CELF2: variants seen among roughly 807,000 people sequenced by gnomAD.
The protein encoded by CELF2 is CUGBP Elav-like family member 2.
In CELF2, 8 loss-of-function variants were observed where a neutral mutation model predicts 62.6. The observed-to-expected ratio is 0.13, with a 90% CI of 0.07 to 0.23. The LOEUF (loss-of-function observed/expected upper bound fraction) is 0.23. CELF2 is among the 10% of genes least tolerant of loss of function. The pLI is 1.00. For synonymous variants in CELF2, 258 were observed against 250.0 expected (o/e 1.03, Z -0.30); for missense variants, 333 against 671.0 (o/e 0.50, Z 5.56).
At chr10:10,717,055 CA>C in the CELF2 span, among the ~76,000 whole-genome samples, 3 of 152,146 alleles carry the variant, frequency 2.0e-5, no homozygotes. Flanking sequence ...CAATCTGTAC[CA>C]AAGGTAGTAG....
chr10:10,541,618 G>A, the CELF2 span, among the ~76,000 whole-genome samples: 1 of 152,208 alleles, frequency 6.6e-6, no homozygotes, highest in Non-Finnish European at 1.5e-5. Context: ...TTCTAATGTT[G>A]CCATGGTGTC....
the CELF2 span, among the ~76,000 whole-genome samples, chr10:10,601,110 G>T: frequency 6.6e-6 from 1 of 152,168 alleles, no homozygotes; most frequent in Admixed American, 6.5e-5. Context: ...AGATCTGTCG[G>T]CTCCAGAAAG....
At chr10:10,872,395 C>T (rs1193344954) in intron 1 of CELF2, among the ~76,000 whole-genome samples, 1 of 152,156 alleles carries the variant, frequency 6.6e-6, no homozygotes, top group African/African-American at 2.4e-5. Flanking sequence ...TCAGTCACTG[C>T]TGAAGTTCAA....
chr10:10,756,162 C>T, the CELF2 span, among the ~76,000 whole-genome samples: 1 of 152,108 alleles, frequency 6.6e-6, no homozygotes, highest in Admixed American at 6.6e-5. Context: ...ACATGGTGGC[C>T]CGCCAAAAAT....
At chr10:10,963,110 G>A (rs1425757891) in intron 2 of CELF2, among the ~76,000 whole-genome samples, 4 of 151,832 alleles carry the variant, frequency 2.6e-5, no homozygotes, top group Admixed American at 6.6e-5. Flanking sequence ...TCATGATCTC[G>A]GCTCACTGCA....
chr10:11,230,477 T>C (rs1377282144), intron 3 of CELF2, among the ~76,000 whole-genome samples: 1 of 152,164 alleles, frequency 6.6e-6, no homozygotes, highest in Non-Finnish European at 1.5e-5. Context: ...GCTGGGTTGC[T>C]GTGTTCCCTC....
rs2060606200 is a variant in CELF2 at position 11,207,082 on chromosome 10, A to G, written c.272-10343A>G. Among the ~76,000 whole-genome samples the G allele has an allele frequency of 6.6e-6, 1 of 152,232 alleles. No homozygotes were observed. Among genetic ancestry groups the G allele is most frequent in the East Asian group, 1.9e-4 (1 of 5,196 alleles). On this transcript the variant is annotated intron_variant, in intron 2 of 12. Coordinates refer to ENST00000633077, the MANE Select transcript of CELF2 (RefSeq NM_001326342.2). The surrounding 1 kb of genome is among the most constrained non-coding windows in gnomAD (Gnocchi z 4.1). ...CAAAGAACCAGAGAAGGGGAAAAGC[A>G]CATTCCAGCAATTTTGCCCTTGTTA...
At chr10:10,736,586 T>A in the CELF2 span, among the ~76,000 whole-genome samples, 1 of 152,084 alleles carries the variant, frequency 6.6e-6, no homozygotes, top group Non-Finnish European at 1.5e-5. Flanking sequence ...TGTTTGTTTG[T>A]TCGTTGACTT....
rs1362758167 is a variant in CELF2 at position 11,008,757 on chromosome 10, G to GT, written c.53+3321dup. On this transcript the variant is annotated intron_variant, in intron 1 of 12. Transcript: ENST00000416382. The surrounding 1 kb of genome is among the most constrained non-coding windows in gnomAD (Gnocchi z 4.5). ...ATTCATAGACGAAAAGCATACCTTGGTTTTGTCATCATGGTAGTGAGCATA... is the reference window on the plus strand; with the variant it reads ...ATTCATAGACGAAAAGCATACCTTGGTTTTTGTCATCATGGTAGTGAGCATA... Among the ~76,000 whole-genome samples the GT allele has an allele frequency of 6.6e-6, 1 of 152,116 alleles. No homozygotes were observed. The highest frequency in any genetic ancestry group is 2.4e-5 in the African/African-American group (1 of 41,414).
chr10:10,536,183 C>T, the CELF2 span, among the ~76,000 whole-genome samples: 4 of 151,958 alleles, frequency 2.6e-5, no homozygotes, highest in African/African-American at 7.3e-5. Flanking sequence ...CCATGTCTGG[C>T]TAATTTTTGT....
chr10:10,525,229 T>A, the CELF2 span, among the ~76,000 whole-genome samples: 28 of 152,294 alleles, frequency 1.8e-4, no homozygotes, highest in Non-Finnish European at 2.5e-4. Context: ...AGCTCCACAG[T>A]TCATTCTTCC....
At chr10:10,697,558 G>A in the CELF2 span, among the ~76,000 whole-genome samples, 1 of 152,214 alleles carries the variant, frequency 6.6e-6, no homozygotes, top group Non-Finnish European at 1.5e-5. Context: ...AGTTCTAGAG[G>A]CTGGGAAGTC....
At chr10:10,892,891 G>A (rs148620825) in intron 1 of CELF2, among the ~76,000 whole-genome samples, 1 of 152,352 alleles carries the variant, frequency 6.6e-6, no homozygotes, top group Non-Finnish European at 1.5e-5. Flanking sequence ...TGTCAAGGAG[G>A]ATGGAGCCTG....
At position 10,865,043 on chromosome 10, in the gene CELF2, A is replaced by T. The variant is rs187577848; in HGVS notation, c.54-54921A>T. Among the ~76,000 whole-genome samples, 7 of 152,354 alleles carry T rather than the reference A, an allele frequency of 4.6e-5. No individual in the cohort carries two copies. In the East Asian group the frequency reaches 1.4e-3, roughly 29 times the overall value. ...TTGCTGTATCACCATATATTCATTT[A>T]AAAATCTATCTTAATAAGTGCCCTT... On this transcript the variant is annotated intron_variant, in intron 1 of 13. Coordinates refer to the CELF2 transcript ENST00000636488.
chr10:10,882,686 G>T (rs1564763818), intron 1 of CELF2, among the ~76,000 whole-genome samples: 2 of 152,118 alleles, frequency 1.3e-5, no homozygotes, highest in African/African-American at 4.8e-5. Flanking sequence ...ATGACAGTTT[G>T]CCTCATGTGA....
At chr10:11,086,521 C>A (rs2046773362) in intron 1 of CELF2, among the ~76,000 whole-genome samples, 2 of 134,934 alleles carry the variant, frequency 1.5e-5, no homozygotes, top group Admixed American at 8.7e-5. Context: ...TATTTGATAA[C>A]ACTGAAAGAG....
At chr10:10,930,481 C>A (rs962772295) in intron 2 of CELF2, among the ~76,000 whole-genome samples, 1 of 152,156 alleles carries the variant, frequency 6.6e-6, no homozygotes, top group African/African-American at 2.4e-5. Flanking sequence ...GCACATTTAT[C>A]CCAATTTGAG....
chr10:11,179,464 A>G (rs1022534136), intron 2 of CELF2, among the ~76,000 whole-genome samples: 1 of 152,224 alleles, frequency 6.6e-6, no homozygotes, highest in African/African-American at 2.4e-5. Flanking sequence ...CTGACATGGA[A>G]TAGCCATTGA....
chr10:10,998,654 G>T (rs565047533), intron 2 of CELF2, among the ~76,000 whole-genome samples: 201 of 152,242 alleles, frequency 1.3e-3, no homozygotes, highest in African/African-American at 4.6e-3. Context: ...TCAGCAGAGC[G>T]CAGGCTGACC....
Sources: allele counts gnomAD v4.1 joint callset (sites outside exome capture counted in the v4.1 genomes callset), GRCh38; gene constraint gnomAD v4.1.1; non-coding constraint Gnocchi (gnomAD v3.1); transcripts MANE v1.5; gene names NCBI Gene and HGNC (gene_info 2026-07-23, HGNC 2026-07-21).